The following IDS variants were observed in gnomAD, a reference collection of about 807,000 sequenced individuals.
IDS encodes the protein alpha-L-iduronate sulfate sulfatase.
In IDS, 1 loss-of-function variant was observed where a neutral mutation model predicts 33.5. That is an observed-to-expected ratio of 0.03 (90% CI 0.01 to 0.14). The LOEUF (loss-of-function observed/expected upper bound fraction) is 0.14. Ranked by LOEUF, IDS falls within the 10% of genes least tolerant of loss-of-function variation. IDS has a pLI of 1.00. For synonymous variants in IDS, 191 were observed against 184.4 expected (o/e 1.04, Z -0.29); for missense variants, 328 against 448.0 (o/e 0.73, Z 2.42).
At chrX:149,483,860 T>C (rs782524324) in intron 8 of IDS, among the ~76,000 whole-genome samples, 1 of 112,517 alleles carries the variant, frequency 8.9e-6, no homozygotes, top group South Asian at 3.6e-4. Context: ...TTTCTATGTC[T>C]ATGAACTGGA....
At chrX:149,500,875 G>A (rs782626757) in intron 4 of IDS, 74 bp downstream of exon 4, 10 of 645,696 alleles carry the variant, frequency 1.5e-5, no homozygotes, top group Non-Finnish European at 2.1e-5. Context: ...CACAGAACAT[G>A]CAGTATACCC....
Position 149,482,608 on chromosome X carries a change from T to C in IDS, c.*138A>G, listed in dbSNP as rs2089301454. 18 of 1,006,885 alleles carry C rather than the reference T, an allele frequency of 1.8e-5. No individual in the cohort carries two copies. Among genetic ancestry groups the C allele is most frequent in the Non-Finnish European group, 2.0e-5 (15 of 745,333 alleles). The allele number at this position is 1,006,885 out of a possible 1,213,427, so 83.0% of individuals were successfully genotyped here. ...GGCTGTTACATATTCTCAGGCCAAA[T>C]TGTTGATGCATGTTTGGATTAACTA... On this transcript the variant is annotated 3_prime_UTR_variant, in exon 9 of 9. Coordinates refer to ENST00000340855, the MANE Select transcript of IDS (RefSeq NM_000202.8).
At chrX:149,495,771 A>C in intron 6 of IDS, 1 of 121,691 alleles carries the variant, frequency 8.2e-6, no homozygotes, top group South Asian at 2.9e-4. Flanking sequence ...AGTCAGTGTG[A>C]GGATTCTAAT....
At chrX:149,484,612 GC>G (rs1374302404) in intron 8 of IDS, among the ~76,000 whole-genome samples, 1 of 112,775 alleles carries the variant, frequency 8.9e-6, no homozygotes, top group African/African-American at 3.2e-5. Flanking sequence ...GAGCCACCAC[GC>G]CCAGCCTTTC....
At chrX:149,487,797 C>CA (rs782060659) in intron 7 of IDS, among the ~76,000 whole-genome samples, 3 of 104,513 alleles carry the variant, frequency 2.9e-5, no homozygotes, top group Non-Finnish European at 5.9e-5. Flanking sequence ...CTTTTTGATA[C>CA]AAAAAATGTG....
rs2878106 is a variant in IDS at position 149,502,870 on chromosome X, T to C, written c.418+442A>G. The C allele has an allele frequency of 0.034, 10,332 of 303,606 alleles. 147 individuals are homozygous for C. The highest frequency in any genetic ancestry group is 0.062 in the African/African-American group (2,320 of 37,534). 25.0% of individuals were successfully genotyped at this position (303,606 alleles called of 1,213,427 possible). On this transcript the variant is annotated intron_variant, in intron 3 of 8. Transcript: ENST00000340855. Reference sequence around the variant, plus strand: ...AATTTCCAGAGTGGATAGCAGCCCCTACCTAAGCACAGCCCCCTCATTGGG... The same window carrying C: ...AATTTCCAGAGTGGATAGCAGCCCCCACCTAAGCACAGCCCCCTCATTGGG...
At position 149,484,707 on chromosome X, in the gene IDS, T is replaced by C. The variant is rs982904369; in HGVS notation, c.1181-1489A>G. On this transcript the variant is annotated intron_variant, in intron 8 of 8. Transcript: ENST00000340855. The stretch of plus-strand genomic sequence containing the variant: ...CATTGCGGTTCATCCATATTTAAAG[T>C]CTAAATACTGTACTTTATATTGATT... 1.1e-4 allele frequency among the ~76,000 whole-genome samples: 12 copies of C among 112,597 alleles called. 1 individual carries two copies. The highest frequency in any genetic ancestry group is 9.4e-5 in the Non-Finnish European group (5 of 53,355).
In IDS at chrX:149,480,123, T is replaced by C. The variant is rs781866570; in HGVS notation, c.*2623A>G. On this transcript the variant is annotated 3_prime_UTR_variant, in exon 9 of 9. Coordinates refer to ENST00000340855, the MANE Select transcript of IDS (RefSeq NM_000202.8). ...ACTGGTCAGCCAAGGAAAGGGGCAT[T>C]GTGGAGTCAGGGAAGACTCTGACTG... 3.4e-6 allele frequency: 1 copy of C among 295,567 alleles called. No individual in the cohort carries two copies. The highest frequency in any genetic ancestry group is 5.9e-6 in the Non-Finnish European group (1 of 169,344). The allele number at this position is 295,567 out of a possible 1,213,427, so 24.4% of individuals were successfully genotyped here.
intron 6 of IDS, among the ~76,000 whole-genome samples, chrX:149,492,052 C>CT (rs2089397256): frequency 1.8e-5 from 2 of 112,245 alleles, no homozygotes; most frequent in Non-Finnish European, 1.9e-5. Context: ...TATTGTTCCC[C>CT]TTTCAGGGAA....
chrX:149,484,860 TAAAG>T (rs1242137232), intron 8 of IDS, among the ~76,000 whole-genome samples: 4 of 111,904 alleles, frequency 3.6e-5, no homozygotes, highest in Non-Finnish European at 7.5e-5. Context: ...AGAAAACAAG[TAAAG>T]AAAGTTGAAA....
chrX:149,493,665 G>A (rs782565468), intron 6 of IDS, among the ~76,000 whole-genome samples: 12 of 111,075 alleles, frequency 1.1e-4, no homozygotes, highest in African/African-American at 3.3e-4. Flanking sequence ...GGGGAGTTGA[G>A]GGAAGAGGCC....
At chrX:149,501,449 G>C (rs2089479842) in intron 3 of IDS, among the ~76,000 whole-genome samples, 1 of 112,344 alleles carries the variant, frequency 8.9e-6, no homozygotes. Flanking sequence ...AGGGAGCCAG[G>C]ACTCAAAACC....
Position 149,481,428 on chromosome X carries a change from T to G in IDS, c.*1318A>C, listed in dbSNP as rs1557337425. ...CATTTTTGGCAACAATACACTGAAG[T>G]AACAATGTAGTTTGCTGTATTTTGT... is the stretch of plus-strand genomic sequence containing the variant. On this transcript the variant is annotated 3_prime_UTR_variant, in exon 9 of 9. Transcript: ENST00000340855. 1.8e-5 allele frequency: 2 copies of G among 112,747 alleles called. No individual in the cohort carries two copies. The highest frequency in any genetic ancestry group is 6.4e-5 in the African/African-American group (2 of 31,025). The allele number at this position is 112,747 out of a possible 1,213,427, so 9.3% of individuals were successfully genotyped here.
At chrX:149,493,252 G>A (rs949750872) in intron 6 of IDS, among the ~76,000 whole-genome samples, 3 of 112,389 alleles carry the variant, frequency 2.7e-5, no homozygotes, top group Non-Finnish European at 5.6e-5. Context: ...GACACAGAAA[G>A]GATTGGGAGG....
At chrX:149,504,935 T>TA in intron 1 of IDS, 100 bp downstream of exon 1, 4 of 598,938 alleles carry the variant, frequency 6.7e-6, no homozygotes, top group Non-Finnish European at 1.1e-5. Context: ...AGAGGAAGGG[T>TA]AAAAAGAATG....
chrX:149,501,040 TG>T lies in IDS; in HGVS notation c.419-4del, dbSNP rs1388290723. 1.8e-6 allele frequency: 2 copies of T among 1,106,521 alleles called. No individual in the cohort carries two copies. The highest frequency in any genetic ancestry group is 2.5e-6 in the Non-Finnish European group (2 of 802,455). The allele number at this position is 1,106,521 out of a possible 1,213,427, so 91.2% of individuals were successfully genotyped here. A position where few individuals can be genotyped will look rare whatever the true frequency, so the allele number is the denominator to read the frequency against. On this transcript the variant is annotated splice_region_variant and splice_polypyrimidine_tract_variant and intron_variant, in intron 3 of 8. Transcript: ENST00000340855. ...ATCGGTATGGTTAGAAGATATCCCT[TG>T]GAAAAAAAAAAAGGTTGTTAAAACA...
rs781852261 is a variant in IDS, at chrX:149,501,042, G to GAA, written c.419-7_419-6dup. On this transcript the variant is annotated splice_region_variant and splice_polypyrimidine_tract_variant and intron_variant, in intron 3 of 8. Coordinates refer to ENST00000340855, the MANE Select transcript of IDS (RefSeq NM_000202.8). ...CGGTATGGTTAGAAGATATCCCTTG[G>GAA]AAAAAAAAAAAGGTTGTTAAAACAT... 7.2e-5 allele frequency: 61 copies of GAA among 849,216 alleles called. No homozygotes were observed. Among genetic ancestry groups the GAA allele is most frequent in the Non-Finnish European group, 9.3e-5 (57 of 614,275 alleles). The allele number at this position is 849,216 out of a possible 1,213,427, so 70.0% of individuals were successfully genotyped here. A position where few individuals can be genotyped will look rare whatever the true frequency, so the allele number is the denominator to read the frequency against.
Position 149,488,453 on chromosome X carries a change from T to C in IDS, c.1007-1355A>G, listed in dbSNP as rs492539. Among the ~76,000 whole-genome samples, 991 of 109,951 alleles carry C rather than the reference T, an allele frequency of 9.0e-3. 18 individuals carry two copies. The highest frequency in any genetic ancestry group is 0.026 in the African/African-American group (781 of 29,878). The stretch of plus-strand genomic sequence containing the variant: ...TGCAGGATGGCAACGTGAGGGAACC[T>C]GGCAGTGCGACCTCAGGAATCCACT... On this transcript the variant is annotated intron_variant, in intron 7 of 8. Coordinates refer to ENST00000340855, the MANE Select transcript of IDS (RefSeq NM_000202.8).
chrX:149,502,296 C>T (rs1389038650), intron 3 of IDS: 1 of 255,054 alleles, frequency 3.9e-6, no homozygotes, highest in Non-Finnish European at 7.6e-6. Context: ...GGTTTCCCCT[C>T]CCAAAGCACA....
Sources: allele counts gnomAD v4.1 joint callset (sites outside exome capture counted in the v4.1 genomes callset), GRCh38; gene constraint gnomAD v4.1.1; transcripts MANE v1.5; gene names NCBI Gene and HGNC (gene_info 2026-07-23, HGNC 2026-07-21).